MNS1: variants seen among roughly 807,000 people sequenced by gnomAD.
The protein encoded by MNS1 is meiosis-specific nuclear structural protein 1.
A neutral mutation model predicts 72.0 loss-of-function variants in MNS1; 63 were observed. The ratio of observed to expected loss-of-function variants is 0.87; its 90% confidence interval spans 0.71 to 1.08. MNS1 has a LOEUF of 1.08. Ranked by LOEUF, MNS1 falls within the 50% of genes least tolerant of loss-of-function variation. The probability of loss-of-function intolerance (pLI) is 0.00; values close to 1 mark genes in which losing one functional copy is unlikely to be tolerated. For missense variants in MNS1, 604 were observed against 562.4 expected (o/e 1.07, Z -0.75); for synonymous variants, 188 against 172.1 (o/e 1.09, Z -0.72).
At chr15:56,458,925 T>C (rs1315865412) in intron 2 of MNS1, among the ~76,000 whole-genome samples, 1 of 152,236 alleles carries the variant, frequency 6.6e-6, no homozygotes, top group Non-Finnish European at 1.5e-5. Flanking sequence ...ACATTTGTGC[T>C]ATGGCAGCTA....
At position 56,443,843 on chromosome 15, in the gene MNS1, T is replaced by G. The variant is rs764587915; in HGVS notation, c.698A>C (p.Gln233Pro). 1 of 1,598,870 alleles carries G rather than the reference T, an allele frequency of 6.3e-7. No homozygotes were observed. The highest frequency in any genetic ancestry group is 2.2e-5 in the East Asian group (1 of 44,704). Residue 233 changes from glutamine to proline, a missense_variant, in exon 6 of 10, where the codon CAA becomes CCA. By Grantham distance (76) the Gln-to-Pro change is moderately conservative. Coordinates refer to ENST00000260453, the MANE Select transcript of MNS1 (RefSeq NM_018365.4). ...CATTGCATTCATTTTTTCTAACTTT[T>G]GTTGTTTTTCCCTGAAAAGCAATAA... Reference protein sequence around the residue: ...IYEEDQLEKQQKLEKMNAMRR... With the variant: ...IYEEDQLEKQPKLEKMNAMRR...
At chr15:56,430,270 G>A (rs1353122550) in intron 9 of MNS1, 5 of 152,366 alleles carry the variant, frequency 3.3e-5, no homozygotes, top group African/African-American at 1.2e-4. Flanking sequence ...GCAGTGGCAA[G>A]ATCATGGGTC....
At chr15:56,451,427 A>C (rs550013265) in intron 3 of MNS1, among the ~76,000 whole-genome samples, 1 of 152,248 alleles carries the variant, frequency 6.6e-6, no homozygotes, top group Non-Finnish European at 1.5e-5. Context: ...GATTGCAATA[A>C]ACCTTTGAAT....
chr15:56,433,703 A>T (rs1164526884), intron 8 of MNS1, among the ~76,000 whole-genome samples: 1 of 152,164 alleles, frequency 6.6e-6, no homozygotes, highest in Non-Finnish European at 1.5e-5. Context: ...AGATCTTAAT[A>T]TACAGCTTTT....
At chr15:56,462,582 C>G (rs2051030349) in intron 2 of MNS1, among the ~76,000 whole-genome samples, 1 of 152,138 alleles carries the variant, frequency 6.6e-6, no homozygotes, top group African/African-American at 2.4e-5. Context: ...CTGGATAAAA[C>G]AACTGGCTTA....
chr15:56,458,998 A>G (rs748130517), intron 2 of MNS1, among the ~76,000 whole-genome samples: 2 of 152,208 alleles, frequency 1.3e-5, no homozygotes, highest in Non-Finnish European at 2.9e-5. Context: ...GTATGTACAC[A>G]CTATATATAG....
At position 56,429,097 on chromosome 15, in the gene MNS1, GATATCATTTCTCTTCAC is replaced by G; in HGVS notation, c.1475_*3del. ...AATCTATGCTTTACCCAATTTTGAT[GATATCATTTCTCTTCAC>G]AAATTTCACTCCTTTGTTGATATAC... On this transcript the variant is annotated stop_lost and 3_prime_UTR_variant, in exon 10 of 10. Transcript: ENST00000260453. 1 of 1,562,394 alleles carries G rather than the reference GATATCATTTCTCTTCAC, an allele frequency of 6.4e-7. No individual in the cohort carries two copies. The highest frequency in any genetic ancestry group is 8.7e-7 in the Non-Finnish European group (1 of 1,148,250).
intron 3 of MNS1, among the ~76,000 whole-genome samples, chr15:56,451,769 A>G (rs968952108): frequency 6.6e-6 from 1 of 152,182 alleles, no homozygotes; most frequent in Admixed American, 6.5e-5. Context: ...TTGAAAATGT[A>G]GTTTATTGGG....
intron 3 of MNS1, among the ~76,000 whole-genome samples, chr15:56,453,787 G>A (rs1233787895): frequency 6.6e-6 from 1 of 152,076 alleles, no homozygotes; most frequent in Non-Finnish European, 1.5e-5. Context: ...AAAACCATGT[G>A]TTCCAAAATC....
intron 2 of MNS1, among the ~76,000 whole-genome samples, chr15:56,461,659 T>TAAAAAA (rs2051021385): frequency 3.9e-5 from 1 of 25,962 alleles, no homozygotes; most frequent in Admixed American, 5.2e-4. Context: ...AGACTCTGTC[T>TAAAAAA]CAAAAAAAAA....
chr15:56,433,636 G>T (rs1168747528), intron 8 of MNS1, among the ~76,000 whole-genome samples: 1 of 152,000 alleles, frequency 6.6e-6, no homozygotes, highest in Non-Finnish European at 1.5e-5. Flanking sequence ...CTATCTCCGA[G>T]CTTACTCATC....
chr15:56,438,838 A>G (rs1300489821), intron 7 of MNS1, among the ~76,000 whole-genome samples: 4 of 152,320 alleles, frequency 2.6e-5, no homozygotes, highest in Non-Finnish European at 4.4e-5. Flanking sequence ...AAGGATATGA[A>G]TAGACACTTC....
chr15:56,463,959 C>T (rs999306709), intron 2 of MNS1, 67 bp downstream of exon 2: 1 of 1,278,144 alleles, frequency 7.8e-7, no homozygotes, highest in Non-Finnish European at 1.1e-6. Flanking sequence ...CCAGCATTAA[C>T]AGCTGACTTT....
intron 2 of MNS1, 79 bp from the exon 3 acceptor site, chr15:56,456,600 G>C: frequency 3.4e-6 from 5 of 1,467,924 alleles, no homozygotes; most frequent in Non-Finnish European, 4.6e-6. Flanking sequence ...TTTTATAACA[G>C]AAAACTAAAT....
chr15:56,451,604 T>C (rs1168739813), intron 3 of MNS1, among the ~76,000 whole-genome samples: 1 of 152,194 alleles, frequency 6.6e-6, no homozygotes, highest in African/African-American at 2.4e-5. Flanking sequence ...GTATTTTCAT[T>C]ATTATTCAGT....
At chr15:56,439,385 A>G (rs1471878551) in intron 7 of MNS1, among the ~76,000 whole-genome samples, 1 of 152,110 alleles carries the variant, frequency 6.6e-6, no homozygotes, top group East Asian at 1.9e-4. Flanking sequence ...CCAGCAAAAA[A>G]TATTTATAGA....
intron 3 of MNS1, among the ~76,000 whole-genome samples, chr15:56,455,483 G>A (rs2050976024): frequency 6.6e-6 from 1 of 152,110 alleles, no homozygotes. Flanking sequence ...AATCCATGAA[G>A]CTCATCCATG....
chr15:56,429,719 C>A (rs1766312978), intron 9 of MNS1: 1 of 152,138 alleles, frequency 6.6e-6, no homozygotes, highest in Non-Finnish European at 1.5e-5. Flanking sequence ...CAGTATACTG[C>A]AAAAGGCTCT....
At chr15:56,439,140 G>A (rs1206890916) in intron 7 of MNS1, among the ~76,000 whole-genome samples, 3 of 152,100 alleles carry the variant, frequency 2.0e-5, no homozygotes, top group Non-Finnish European at 2.9e-5. Context: ...CTAGCAACGA[G>A]TACACGGACA....
Sources: allele counts gnomAD v4.1 joint callset (sites outside exome capture counted in the v4.1 genomes callset), GRCh38; gene constraint gnomAD v4.1.1; transcripts MANE v1.5; gene names NCBI Gene and HGNC (gene_info 2026-07-23, HGNC 2026-07-21).